NXPH2: variants seen among roughly 807,000 people sequenced by gnomAD.
NXPH2 encodes the protein neurexophilin-2.
In NXPH2, 5 loss-of-function variants were observed where a neutral mutation model predicts 19.8. The observed-to-expected ratio is 0.25, with a 90% CI of 0.13 to 0.53. The LOEUF (loss-of-function observed/expected upper bound fraction) is 0.53. NXPH2 is among the 20% of genes least tolerant of loss of function. The pLI is 0.96. For missense variants in NXPH2, 289 were observed against 322.8 expected (o/e 0.90, Z 0.80); for synonymous variants, 154 against 127.4 (o/e 1.21, Z -1.41).
At chr2:138,675,252 T>C (rs1343662174) in intron 1 of NXPH2, among the ~76,000 whole-genome samples, 1 of 152,212 alleles carries the variant, frequency 6.6e-6, no homozygotes, top group Non-Finnish European at 1.5e-5. Context: ...GCTTGTTTAA[T>C]GTTATATGTT....
intron 1 of NXPH2, among the ~76,000 whole-genome samples, chr2:138,767,363 T>A (rs576574980): frequency 2.0e-5 from 3 of 152,262 alleles, no homozygotes; most frequent in African/African-American, 7.2e-5. Context: ...CTTTGCTCTA[T>A]CTCTCTCTTG....
chr2:138,771,180 A>T (rs1173094176), intron 1 of NXPH2, among the ~76,000 whole-genome samples: 1 of 152,134 alleles, frequency 6.6e-6, no homozygotes, highest in Non-Finnish European at 1.5e-5. Flanking sequence ...ATTCAAAACA[A>T]TTTAAATATT....
chr2:138,774,866 T>A (rs1297537264), intron 1 of NXPH2, among the ~76,000 whole-genome samples: 1 of 152,238 alleles, frequency 6.6e-6, no homozygotes, highest in Non-Finnish European at 1.5e-5. Context: ...TCCCAAAACA[T>A]GAATGGAAAC....
intron 1 of NXPH2, among the ~76,000 whole-genome samples, chr2:138,764,789 C>T (rs1339712483): frequency 6.6e-6 from 1 of 152,156 alleles, no homozygotes; most frequent in East Asian, 1.9e-4. Context: ...AATGAAAACA[C>T]TGAATTGAAA....
At chr2:138,711,202 G>A (rs550471341) in intron 1 of NXPH2, among the ~76,000 whole-genome samples, 18 of 136,262 alleles carry the variant, frequency 1.3e-4, no homozygotes, top group Non-Finnish European at 2.4e-4. Flanking sequence ...GTGCAATGGC[G>A]CCATCTTGGC....
intron 1 of NXPH2, among the ~76,000 whole-genome samples, chr2:138,750,006 T>C (rs1349024636): frequency 6.6e-6 from 1 of 152,140 alleles, no homozygotes; most frequent in African/African-American, 2.4e-5. Context: ...GAAAATAGCA[T>C]AGTAGGCATT....
chr2:138,741,748 G>A (rs965507641), intron 1 of NXPH2, among the ~76,000 whole-genome samples: 5 of 152,122 alleles, frequency 3.3e-5, no homozygotes, highest in Non-Finnish European at 7.4e-5. Flanking sequence ...ATCCTATTCT[G>A]GGCTGCTGCT....
At chr2:138,759,729 CTT>C (rs772878668) in intron 1 of NXPH2, among the ~76,000 whole-genome samples, 38 of 126,536 alleles carry the variant, frequency 3.0e-4, no homozygotes, top group African/African-American at 8.2e-4. Flanking sequence ...CCTATGCCAC[CTT>C]TTTTTTTTTT....
chr2:138,760,167 A>G (rs2104838564), intron 1 of NXPH2, among the ~76,000 whole-genome samples: 1 of 152,334 alleles, frequency 6.6e-6, no homozygotes, highest in Non-Finnish European at 1.5e-5. Context: ...GGGAAAATTA[A>G]CAAACCCAAC....
chr2:138,722,081 C>T (rs1025407901), intron 1 of NXPH2, among the ~76,000 whole-genome samples: 1 of 152,208 alleles, frequency 6.6e-6, no homozygotes, highest in African/African-American at 2.4e-5. Flanking sequence ...GAAAGTCAGT[C>T]TCATCTGTTA....
intron 1 of NXPH2, among the ~76,000 whole-genome samples, chr2:138,766,780 A>G (rs1355390985): frequency 2.6e-5 from 4 of 152,244 alleles, no homozygotes; most frequent in African/African-American, 9.6e-5. Context: ...GAGGTCAAAT[A>G]CAAAACACAA....
intron 1 of NXPH2, among the ~76,000 whole-genome samples, chr2:138,745,813 A>G (rs1681721780): frequency 6.7e-6 from 1 of 150,334 alleles, no homozygotes; most frequent in South Asian, 2.3e-4. Context: ...GAGGAATTCA[A>G]TTATAGGGTG....
intron 1 of NXPH2, among the ~76,000 whole-genome samples, chr2:138,675,225 C>T (rs1263391953): frequency 6.6e-6 from 1 of 152,128 alleles, no homozygotes; most frequent in Non-Finnish European, 1.5e-5. Context: ...GCAATATGCC[C>T]TCTTTTTCTT....
At chr2:138,713,871 C>T (rs1681149501) in intron 1 of NXPH2, among the ~76,000 whole-genome samples, 1 of 151,958 alleles carries the variant, frequency 6.6e-6, no homozygotes, top group Non-Finnish European at 1.5e-5. Context: ...CCTCCAGATA[C>T]TGATTTTTAT....
intron 1 of NXPH2, among the ~76,000 whole-genome samples, chr2:138,779,727 G>A (rs1174719181): frequency 1.3e-5 from 2 of 152,190 alleles, no homozygotes; most frequent in African/African-American, 2.4e-5. Flanking sequence ...CTGAGAACGA[G>A]GATGCATGCA....
At chr2:138,748,173 T>C (rs961132786) in intron 1 of NXPH2, among the ~76,000 whole-genome samples, 1 of 152,184 alleles carries the variant, frequency 6.6e-6, no homozygotes, top group Non-Finnish European at 1.5e-5. Context: ...AACACTGCCA[T>C]GTGTCACGAA....
chr2:138,732,792 G>C (rs976730729), intron 1 of NXPH2, among the ~76,000 whole-genome samples: 13 of 152,064 alleles, frequency 8.5e-5, no homozygotes, highest in Non-Finnish European at 1.3e-4. Flanking sequence ...ACCTCTTCCT[G>C]GTTCCATTCC....
At chr2:138,741,697 G>T (rs1355634993) in intron 1 of NXPH2, among the ~76,000 whole-genome samples, 1 of 152,128 alleles carries the variant, frequency 6.6e-6, no homozygotes, top group Non-Finnish European at 1.5e-5. Context: ...TGAAAGCAAG[G>T]TACTTAGTGG....
At position 138,744,706 on chromosome 2, in the gene NXPH2, T is replaced by A. The variant is rs145577590; in HGVS notation, c.51+35485A>T. On this transcript the variant is annotated intron_variant, in intron 1 of 1. Transcript: ENST00000272641. ...GCTTGAACATGCTTCCCAGTCACTC[T>A]CTCTCGGGCACTGGTCCTTAAGGTC... is the stretch of plus-strand genomic sequence containing the variant. Among the ~76,000 whole-genome samples, 306 of 152,268 alleles carry A rather than the reference T, an allele frequency of 2.0e-3. 1 individual carries two copies. The highest frequency in any genetic ancestry group is 7.0e-3 in the African/African-American group (293 of 41,570).
Sources: gnomAD v4.1 joint callset for allele counts (sites outside exome capture counted in the v4.1 genomes callset) on GRCh38, gnomAD v4.1.1 for gene constraint, MANE v1.5 for transcripts, NCBI Gene and HGNC (gene_info 2026-07-23, HGNC 2026-07-21) for gene names.